Variants in SLC35F2 observed in about 807,000 individuals in gnomAD.
SLC35F2 encodes solute carrier family 35 member F2.
Under a neutral mutation model 38.1 loss-of-function variants are expected in SLC35F2, and 25 were observed. The observed-to-expected ratio is 0.66, with a 90% CI of 0.48 to 0.92. The LOEUF is 0.92. SLC35F2 is among the 40% of genes least tolerant of loss of function. SLC35F2 has a pLI of 0.00. For synonymous variants in SLC35F2, 173 were observed against 181.7 expected (o/e 0.95, Z 0.38); for missense variants, 409 against 452.9 (o/e 0.90, Z 0.88).
At chr11:107,800,508 C>T (rs1230707138) in intron 7 of SLC35F2, among the ~76,000 whole-genome samples, 1 of 152,154 alleles carries the variant, frequency 6.6e-6, no homozygotes, top group African/African-American at 2.4e-5. Context: ...CAGGTAACAG[C>T]CAGCATTCTA....
chr11:107,837,948 T>C (rs117625023), intron 1 of SLC35F2, among the ~76,000 whole-genome samples: 2,226 of 136,024 alleles, frequency 0.016, 23 homozygotes, highest in Non-Finnish European at 0.025. Flanking sequence ...TATCTAGTAA[T>C]AGTAATGGTA....
chr11:107,855,768 T>G (rs1860267943), intron 1 of SLC35F2, among the ~76,000 whole-genome samples: 1 of 151,108 alleles, frequency 6.6e-6, no homozygotes, highest in Non-Finnish European at 1.5e-5. Flanking sequence ...GCTACTAGAC[T>G]GATTATAAAA....
chr11:107,794,986 A>C lies in SLC35F2; in HGVS notation c.940-2186T>G, dbSNP rs1859195085. Among the ~76,000 whole-genome samples the C allele has an allele frequency of 2.6e-5, 4 of 152,212 alleles. No homozygotes were observed. In the South Asian group the frequency reaches 8.3e-4, roughly 32 times the overall value. On this transcript the variant is annotated intron_variant, in intron 7 of 7. Coordinates refer to ENST00000525815, the MANE Select transcript of SLC35F2 (RefSeq NM_017515.5). Reference sequence around the variant, plus strand: ...CACAAAATAAAATAGGACTAAATTTAACCAAGGAGGTGAAAGACCTCTATA... The same window carrying C: ...CACAAAATAAAATAGGACTAAATTTCACCAAGGAGGTGAAAGACCTCTATA...
chr11:107,836,343 TG>T (rs1292518988), intron 1 of SLC35F2, among the ~76,000 whole-genome samples: 1 of 151,934 alleles, frequency 6.6e-6, no homozygotes, highest in Non-Finnish European at 1.5e-5. Flanking sequence ...GCTTTTTTTT[TG>T]TCTGGTGGGG....
intron 4 of SLC35F2, among the ~76,000 whole-genome samples, chr11:107,806,107 T>C (rs1859385821): frequency 6.6e-6 from 1 of 152,192 alleles, no homozygotes; most frequent in Non-Finnish European, 1.5e-5. Context: ...TTAAAATCTC[T>C]TACTCTTCTC....
At chr11:107,804,262 C>G (rs954505414) in intron 6 of SLC35F2, among the ~76,000 whole-genome samples, 2 of 152,092 alleles carry the variant, frequency 1.3e-5, no homozygotes, top group Non-Finnish European at 1.5e-5. Context: ...TCTGACTGTC[C>G]CATCACCATT....
At chr11:107,849,644 A>AGG (rs1860146364) in intron 1 of SLC35F2, among the ~76,000 whole-genome samples, 19 of 62,696 alleles carry the variant, frequency 3.0e-4, no homozygotes, top group Admixed American at 2.1e-3. Context: ...GTTTTGGGAA[A>AGG]AAAAAAAAAA....
chr11:107,843,876 T>A lies in SLC35F2; in HGVS notation c.110+14782A>T, dbSNP rs1172442006. 5.1e-3 allele frequency among the ~76,000 whole-genome samples: 124 copies of A among 24,166 alleles called. 16 individuals carry two copies. Among genetic ancestry groups the A allele is most frequent in the African/African-American group, 0.012 (89 of 7,182 alleles). 15.9% of individuals were successfully genotyped at this position (24,166 alleles called of 152,430 possible). On this transcript the variant is annotated intron_variant, in intron 1 of 7. Transcript: ENST00000525815. ...AAAAAAAAAAAAAAAAAAATATATATATATATATATATATATATATATATA... is the reference window on the plus strand; with the variant it reads ...AAAAAAAAAAAAAAAAAAATATATAAATATATATATATATATATATATATA...
chr11:107,814,246 T>C (rs1467915769), intron 2 of SLC35F2, among the ~76,000 whole-genome samples: 1 of 151,946 alleles, frequency 6.6e-6, no homozygotes, highest in African/African-American at 2.4e-5. Flanking sequence ...GGCAGACAGA[T>C]CACGTAAGGT....
chr11:107,843,868 A>ATATATATAT (rs1484039784), intron 1 of SLC35F2, among the ~76,000 whole-genome samples: 2 of 46,872 alleles, frequency 4.3e-5, no homozygotes, highest in Non-Finnish European at 7.5e-5. Flanking sequence ...AAAAAAAAAA[A>ATATATATAT]ATATATATAT....
intron 3 of SLC35F2, chr11:107,810,638 T>G (rs1356527050): frequency 1.0e-6 from 1 of 985,276 alleles, no homozygotes; most frequent in East Asian, 1.1e-4. Flanking sequence ...TCTTAATAAA[T>G]CATTTCCTAT....
chr11:107,846,148 G>A (rs10890769), intron 1 of SLC35F2, among the ~76,000 whole-genome samples: 64,400 of 151,292 alleles, frequency 0.43, 13,795 homozygotes, highest in Admixed American at 0.53. Context: ...TGGTTTCTAC[G>A]GTGTTAATAC....
At chr11:107,797,558 C>T (rs983201072) in intron 7 of SLC35F2, among the ~76,000 whole-genome samples, 1 of 148,944 alleles carries the variant, frequency 6.7e-6, no homozygotes, top group South Asian at 2.1e-4. Flanking sequence ...AAGCAAGATA[C>T]ACTCCCAAAG....
intron 1 of SLC35F2, among the ~76,000 whole-genome samples, chr11:107,820,418 G>A (rs1037234670): frequency 1.3e-5 from 2 of 152,008 alleles, no homozygotes; most frequent in African/African-American, 4.8e-5. Context: ...GGAGACTGGG[G>A]CCCAGAAGAG....
intron 1 of SLC35F2, among the ~76,000 whole-genome samples, chr11:107,855,428 G>A (rs1211664691): frequency 7.2e-5 from 11 of 152,204 alleles, no homozygotes; most frequent in South Asian, 2.1e-4. Context: ...CGAGGCGGGC[G>A]GATCACCTGA....
At chr11:107,827,373 G>T (rs12362881) in intron 1 of SLC35F2, among the ~76,000 whole-genome samples, 3 of 152,048 alleles carry the variant, frequency 2.0e-5, no homozygotes, top group Non-Finnish European at 4.4e-5. Flanking sequence ...CCAGCACTTT[G>T]CGAGGCCAAG....
intron 7 of SLC35F2, among the ~76,000 whole-genome samples, chr11:107,797,570 TA>T (rs150438824): frequency 0.093 from 14,139 of 151,988 alleles, 1,626 homozygotes; most frequent in East Asian, 0.28. Context: ...CTCCCAAAGG[TA>T]AAAGAAAAAA....
Position 107,805,430 on chromosome 11 carries a change from C to A in SLC35F2, c.660G>T (p.Val220=). ...AISNVCEEYI[V]KKLSRQEFLG... ...AAAACTCCTGTCTGCTCAGCTTCTTCACGATGTATTCCTCACAAACATTTG... is the reference window on the plus strand; with the variant it reads ...AAAACTCCTGTCTGCTCAGCTTCTTAACGATGTATTCCTCACAAACATTTG... Residue 220 remains valine (V), a synonymous_variant, in exon 5 of 8, where the codon GTG becomes GTT. Coordinates refer to ENST00000525815, the MANE Select transcript of SLC35F2 (RefSeq NM_017515.5). 1 of 1,614,148 alleles carries A rather than the reference C, an allele frequency of 6.2e-7. No individual in the cohort carries two copies.
At chr11:107,818,165 C>T (rs911374802) in intron 1 of SLC35F2, among the ~76,000 whole-genome samples, 2 of 151,988 alleles carry the variant, frequency 1.3e-5, no homozygotes, top group Non-Finnish European at 2.9e-5. Flanking sequence ...GGCATAGTGG[C>T]TCACGCCTGT....
Sources: allele counts gnomAD v4.1 joint callset (sites outside exome capture counted in the v4.1 genomes callset), GRCh38; gene constraint gnomAD v4.1.1; transcripts MANE v1.5; gene names NCBI Gene and HGNC (gene_info 2026-07-23, HGNC 2026-07-21).